The following TNNI3K variants were observed in gnomAD, a reference collection of about 807,000 sequenced individuals.
TNNI3K encodes the protein TNNI3 interacting kinase, also known as serine/threonine-protein kinase TNNI3K.
Under a neutral mutation model 114.5 loss-of-function variants are expected in TNNI3K, and 140 were observed. That is an observed-to-expected ratio of 1.22 (90% CI 1.07 to 1.41). TNNI3K has a LOEUF of 1.41. Ranked by LOEUF, TNNI3K falls within the 40% of genes most tolerant of loss-of-function variation. The pLI is 0.00. For synonymous variants in TNNI3K, 347 were observed against 347.5 expected (o/e 1.00, Z 0.02); for missense variants, 1,125 against 1,007.6 (o/e 1.12, Z -1.58).
intron 23 of TNNI3K, among the ~76,000 whole-genome samples, chr1:74,508,089 G>A (rs1669997817): frequency 6.6e-6 from 1 of 152,196 alleles, no homozygotes; most frequent in African/African-American, 2.4e-5. Flanking sequence ...CACAGACGGA[G>A]GCATTACTAA....
intron 5 of TNNI3K, among the ~76,000 whole-genome samples, chr1:74,278,317 A>G (rs1656805096): frequency 6.6e-6 from 1 of 152,174 alleles, no homozygotes; most frequent in Non-Finnish European, 1.5e-5. Context: ...TACTGAACAT[A>G]TTAATTGACT....
rs141903721 is a variant in TNNI3K at position 74,404,502 on chromosome 1, C to G, written c.1773-31578C>G. ...TCTCTTGGCCTATGACAGTAGTTCT[C>G]ACACTTCAGCATACATCAGAATCAT... On this transcript the variant is annotated intron_variant, in intron 17 of 24. Transcript: ENST00000326637. Among the ~76,000 whole-genome samples, 51 of 152,282 alleles carry G rather than the reference C, an allele frequency of 3.3e-4. No homozygotes were observed. In the East Asian group the frequency reaches 7.9e-3, roughly 24 times the overall value.
At chr1:74,417,594 T>G (rs1249425348) in intron 17 of TNNI3K, among the ~76,000 whole-genome samples, 1 of 151,968 alleles carries the variant, frequency 6.6e-6, no homozygotes, top group Non-Finnish European at 1.5e-5. Flanking sequence ...TAAGCCCAAC[T>G]TATACTGGCA....
chr1:74,257,916 C>A (rs918926535), intron 4 of TNNI3K, among the ~76,000 whole-genome samples: 9 of 152,090 alleles, frequency 5.9e-5, no homozygotes, highest in Non-Finnish European at 1.0e-4. Flanking sequence ...ATCCGCCCAC[C>A]TCGTCCTCCT....
intron 5 of TNNI3K, among the ~76,000 whole-genome samples, chr1:74,322,188 T>C (rs902989288): frequency 2.0e-5 from 3 of 152,194 alleles, no homozygotes; most frequent in African/African-American, 7.2e-5. Flanking sequence ...CAAATCTTGA[T>C]TGAGAGATTG....
Position 74,513,122 on chromosome 1 carries a change from A to C in TNNI3K, c.2351+20856A>C, listed in dbSNP as rs919461390. Among the ~76,000 whole-genome samples, 6 of 152,218 alleles carry C rather than the reference A, an allele frequency of 3.9e-5. No individual in the cohort carries two copies. In the East Asian group the frequency reaches 1.2e-3, roughly 29 times the overall value. On this transcript the variant is annotated intron_variant, in intron 23 of 24. Coordinates refer to ENST00000326637, the MANE Select transcript of TNNI3K (RefSeq NM_015978.3). Reference sequence around the variant, plus strand: ...ACCTAGCACACAGCTTGCTCAGTCGATACTGTTTCACTGGCCTGAGATTAC... The same window carrying C: ...ACCTAGCACACAGCTTGCTCAGTCGCTACTGTTTCACTGGCCTGAGATTAC...
chr1:74,494,342 A>G (rs937274873), intron 23 of TNNI3K, among the ~76,000 whole-genome samples: 1 of 152,320 alleles, frequency 6.6e-6, no homozygotes, highest in Admixed American at 6.5e-5. Flanking sequence ...CTGATAAAGG[A>G]GTTGCAGCTG....
intron 23 of TNNI3K, among the ~76,000 whole-genome samples, chr1:74,495,466 C>G (rs1192726515): frequency 1.3e-5 from 2 of 152,036 alleles, no homozygotes; most frequent in Non-Finnish European, 2.9e-5. Flanking sequence ...TAAATTGGCT[C>G]AATAAACAGG....
intron 17 of TNNI3K, chr1:74,371,293 A>T (rs1341574): frequency 0.6 from 90,598 of 151,688 alleles, 30,462 homozygotes; most frequent in East Asian, 0.82. Context: ...ATGTTTAAAG[A>T]CTATTTTCAG....
intron 17 of TNNI3K, chr1:74,370,833 TAA>T (rs1436549015): frequency 1.8e-4 from 28 of 152,152 alleles, no homozygotes; most frequent in African/African-American, 5.8e-4. Context: ...AGTTATCAGG[TAA>T]AGAGGATTTC....
intron 17 of TNNI3K, among the ~76,000 whole-genome samples, chr1:74,415,276 C>G (rs567414130): frequency 2.0e-5 from 3 of 152,236 alleles, no homozygotes; most frequent in African/African-American, 4.8e-5. Flanking sequence ...TAGCCACCCC[C>G]ACCCTTGCAG....
chr1:74,318,220 G>A (rs543404046), intron 5 of TNNI3K, among the ~76,000 whole-genome samples: 1 of 152,172 alleles, frequency 6.6e-6, no homozygotes, highest in Non-Finnish European at 1.5e-5. Flanking sequence ...ATTGTCTCAG[G>A]TAAGAGTAAT....
At chr1:74,308,045 A>G (rs773493241) in intron 5 of TNNI3K, among the ~76,000 whole-genome samples, 3 of 151,762 alleles carry the variant, frequency 2.0e-5, no homozygotes, top group Non-Finnish European at 4.4e-5. Context: ...AAAAATATAT[A>G]TATATAATAG....
intron 23 of TNNI3K, among the ~76,000 whole-genome samples, chr1:74,535,943 AT>A (rs1223774544): frequency 6.6e-6 from 1 of 152,048 alleles, no homozygotes; most frequent in Non-Finnish European, 1.5e-5. Flanking sequence ...TCCCCTTATT[AT>A]TTATCTTCAT....
intron 23 of TNNI3K, among the ~76,000 whole-genome samples, chr1:74,521,274 T>A (rs941836957): frequency 1.3e-5 from 2 of 152,148 alleles, no homozygotes; most frequent in African/African-American, 4.8e-5. Context: ...CTCATTAACT[T>A]CTTTCTAGTT....
intron 5 of TNNI3K, among the ~76,000 whole-genome samples, chr1:74,327,683 A>G (rs920261681): frequency 6.8e-6 from 1 of 146,412 alleles, no homozygotes; most frequent in Non-Finnish European, 1.5e-5. Context: ...ATATAATCAT[A>G]TATTTATATA....
At chr1:74,264,923 C>T (rs767015551) in intron 4 of TNNI3K, among the ~76,000 whole-genome samples, 9 of 151,772 alleles carry the variant, frequency 5.9e-5, no homozygotes, top group East Asian at 1.9e-4. Context: ...ATCTTTATTA[C>T]AATCTTGTAA....
intron 22 of TNNI3K, among the ~76,000 whole-genome samples, chr1:74,491,280 C>T (rs754835478): frequency 3.9e-5 from 6 of 152,120 alleles, no homozygotes; most frequent in African/African-American, 7.2e-5. Flanking sequence ...AGTGCAGTGG[C>T]GCAATCTCAG....
At chr1:74,465,846 A>G (rs556342065) in intron 21 of TNNI3K, among the ~76,000 whole-genome samples, 35 of 152,138 alleles carry the variant, frequency 2.3e-4, no homozygotes, top group Non-Finnish European at 5.1e-4. Context: ...AAACGGACCA[A>G]TCAGCTCTCT....
Sources: allele counts gnomAD v4.1 joint callset (sites outside exome capture counted in the v4.1 genomes callset), GRCh38; gene constraint gnomAD v4.1.1; transcripts MANE v1.5; gene names NCBI Gene and HGNC (gene_info 2026-07-23, HGNC 2026-07-21).